Variants in NAT9 observed in about 807,000 individuals in gnomAD.
NAT9 encodes the protein N-acetyltransferase 9, also known as alpha/beta-tubulin-N-acetyltransferase 9.
In NAT9, 18 loss-of-function variants were observed where a neutral mutation model predicts 24.0. The ratio of observed to expected loss-of-function variants is 0.75; its 90% CI spans 0.52 to 1.11. NAT9 has a LOEUF of 1.11. Among genes scored for constraint, NAT9 ranks in the 50% most tolerant of loss-of-function variants. The pLI is 0.00. For missense variants in NAT9, 254 were observed against 258.6 expected (o/e 0.98, Z 0.12); for synonymous variants, 104 against 102.3 (o/e 1.02, Z -0.10).
chr17:74,772,101 C>T (rs2035287441), intron 5 of NAT9, 47 bp from the exon 6 acceptor site: 1 of 1,613,958 alleles, frequency 6.2e-7, no homozygotes, highest in Non-Finnish European at 8.5e-7. Context: ...CGCCTGCCCC[C>T]ACCCTCCTGT....
chr17:74,772,948 G>A lies in NAT9; in HGVS notation c.282C>T (p.Phe94=), dbSNP rs1598368598. 3.1e-6 allele frequency: 5 copies of A among 1,614,064 alleles called. No individual in the cohort carries two copies. In the African/African-American group the frequency reaches 4.0e-5, roughly 13 times the overall value. ...ESCMVGDVNL[F]LTDLEDLTLG... ...AGGTGAGGTCTTCTAGATCTGTGAG[G>A]AAGAGGTTCACATCTCCCACCATGC... is the stretch of plus-strand genomic sequence containing the variant. Residue 94 remains phenylalanine, a synonymous_variant, in exon 4 of 7, where the codon TTC becomes TTT. Transcript: ENST00000357814.
chr17:74,772,450 C>G (rs2035358201), intron 4 of NAT9, 173 bp from the exon 5 acceptor site: 1 of 1,425,766 alleles, frequency 7.0e-7, no homozygotes, highest in South Asian at 1.5e-5. Flanking sequence ...AGCTTGCAAC[C>G]CAGCAACCTG....
At chr17:74,775,187 GTTTT>G (rs1555604436) in intron 2 of NAT9, among the ~76,000 whole-genome samples, 1 of 145,012 alleles carries the variant, frequency 6.9e-6, no homozygotes, top group African/African-American at 2.6e-5. Context: ...TTGTTTTTTT[GTTTT>G]TTTTGTTTTT....
At position 74,772,599 on chromosome 17, in the gene NAT9, A is replaced by G. The variant is rs972751104; in HGVS notation, c.334+297T>C. On this transcript the variant is annotated intron_variant, in intron 4 of 6. Transcript: ENST00000357814. The stretch of plus-strand genomic sequence containing the variant: ...CTCCTGTAATATGACAACATGCTCC[A>G]GAGACCTTTTTCTGAGGGTCCCCAG... 9 of 1,398,994 alleles carry G rather than the reference A, an allele frequency of 6.4e-6. No individual in the cohort carries two copies. The African/African-American group carries it at 1.2e-4, about 18-fold the overall frequency. The allele number at this position is 1,398,994 out of a possible 1,614,324, so 86.7% of individuals were successfully genotyped here. A position where few individuals can be genotyped will look rare whatever the true frequency, so the allele number is the denominator to read the frequency against.
chr17:74,772,725 A>G, intron 4 of NAT9, 171 bp downstream of exon 4: 2 of 1,166,544 alleles, frequency 1.7e-6, no homozygotes, highest in South Asian at 1.6e-5. Context: ...CTGAGGGTGT[A>G]CCACCAGGCT....
intron 5 of NAT9, 58 bp downstream of exon 5, chr17:74,772,160 G>A: frequency 6.2e-7 from 1 of 1,613,988 alleles, no homozygotes; most frequent in South Asian, 1.1e-5. Flanking sequence ...CCTCACACCT[G>A]AACAAAGTTC....
In NAT9 at chr17:74,771,467, C is replaced by T; in HGVS notation, c.*257G>A. On this transcript the variant is annotated 3_prime_UTR_variant, in exon 7 of 7. Transcript: ENST00000357814. ...CCGACATCTCCCATGGATCCCTGCCCTCCATTCCAGCTTCCTAGAGTCTGG... is the reference window on the plus strand; with the variant it reads ...CCGACATCTCCCATGGATCCCTGCCTTCCATTCCAGCTTCCTAGAGTCTGG... 1 of 572,402 alleles carries T rather than the reference C, an allele frequency of 1.7e-6. No individual in the cohort carries two copies. 35.5% of individuals were successfully genotyped at this position (572,402 alleles called of 1,614,324 possible). A position where few individuals can be genotyped will look rare whatever the true frequency, so the allele number is the denominator to read the frequency against.
At chr17:74,773,753 G>C in intron 2 of NAT9, 65 bp from the exon 3 acceptor site, 2 of 1,259,162 alleles carry the variant, frequency 1.6e-6, no homozygotes, top group South Asian at 1.3e-5. Context: ...GACACCTTAT[G>C]AGGGTCCAGA....
chr17:74,771,999 T>G lies in NAT9; in HGVS notation c.450A>C (p.Glu150Asp). 6.2e-7 allele frequency: 1 copy of G among 1,614,204 alleles called. No individual in the cohort carries two copies. Among genetic ancestry groups the G allele is most frequent in the Non-Finnish European group, 8.5e-7 (1 of 1,180,024 alleles). ...GTTTCTGGAACATCCGGATGCTTGG[T>G]TCATTTCCTTGCCCAATTTTAGCCT... Reference protein sequence around the residue: ...KFEAKIGQGNEPSIRMFQKLH... With the variant: ...KFEAKIGQGNDPSIRMFQKLH... Residue 150 changes from glutamate to aspartate, a missense_variant, in exon 6 of 7, where the codon GAA (glutamate) becomes GAC (aspartate). Glu to Asp is a conservative substitution (Grantham distance 45, BLOSUM62 2). Coordinates refer to ENST00000357814, the MANE Select transcript of NAT9 (RefSeq NM_015654.5).
At chr17:74,772,665 C>G (rs2035386848) in intron 4 of NAT9, 2 of 1,204,882 alleles carry the variant, frequency 1.7e-6, no homozygotes, top group East Asian at 2.6e-5. Context: ...GAATCTACCC[C>G]AAACCAAGGG....
At chr17:74,772,075 G>A (rs954059811) in intron 5 of NAT9, 21 bp from the exon 6 acceptor site, 3 of 1,602,922 alleles carry the variant, frequency 1.9e-6, no homozygotes, top group African/African-American at 1.3e-5. Flanking sequence ...AGATGAGACA[G>A]GGGCAAGTAA....
chr17:74,772,326 T>G lies in NAT9; in HGVS notation c.335-49A>C, dbSNP rs368458713. The G allele has an allele frequency of 2.4e-5, 39 of 1,604,420 alleles. No individual in the cohort carries two copies. The African/African-American group carries it at 4.9e-4, about 20-fold the overall frequency. On this transcript the variant is annotated intron_variant, in intron 4 of 6. Coordinates refer to ENST00000357814, the MANE Select transcript of NAT9 (RefSeq NM_015654.5). ...GCTGACGCCGTGTGCCAGGCTCCAG[T>G]GCGGGCACTTGGCAGACACCATCTC...
intron 4 of NAT9, 32 bp from the exon 5 acceptor site, chr17:74,772,309 C>G: frequency 6.2e-7 from 1 of 1,611,752 alleles, no homozygotes; most frequent in South Asian, 1.1e-5. Flanking sequence ...GCGCTGACGC[C>G]GTGTGCCAGG....
At chr17:74,773,840 A>C in intron 2 of NAT9, 152 bp from the exon 3 acceptor site, 1 of 612,178 alleles carries the variant, frequency 1.6e-6, no homozygotes. Flanking sequence ...CCACAGACAC[A>C]AGACCCAGAA....
At chr17:74,775,838 A>G in intron 1 of NAT9, 131 bp from the exon 2 acceptor site, 1 of 598,702 alleles carries the variant, frequency 1.7e-6, no homozygotes, top group South Asian at 2.3e-5. Flanking sequence ...TTCAAAGAAT[A>G]CAGACTCCAA....
intron 2 of NAT9, 132 bp from the exon 3 acceptor site, chr17:74,773,820 A>G (rs187124780): frequency 4.2e-6 from 3 of 706,510 alleles, no homozygotes; most frequent in Admixed American, 2.3e-5. Flanking sequence ...GATTGCTCCT[A>G]AGGCAGGGGC....
chr17:74,772,593 T>C (rs763445506), intron 4 of NAT9: 2 of 1,400,008 alleles, frequency 1.4e-6, no homozygotes, highest in Non-Finnish European at 1.9e-6. Flanking sequence ...TATGACAACA[T>C]GCTCCAGAGA....
In NAT9 at chr17:74,771,542, TCTG is replaced by T; in HGVS notation, c.*179_*181del. 1 of 961,830 alleles carries T rather than the reference TCTG, an allele frequency of 1.0e-6. No individual in the cohort carries two copies. Among genetic ancestry groups the T allele is most frequent in the Non-Finnish European group, 1.5e-6 (1 of 666,206 alleles). 59.6% of individuals were successfully genotyped at this position (961,830 alleles called of 1,614,324 possible). The stretch of plus-strand genomic sequence containing the variant: ...AAGGGAACTGGCCCTGGCCCTGGAG[TCTG>T]CTCAGCCACACCACTAGCTGGAGGG... On this transcript the variant is annotated 3_prime_UTR_variant, in exon 7 of 7. Coordinates refer to ENST00000357814, the MANE Select transcript of NAT9 (RefSeq NM_015654.5).
chr17:74,775,768 G>T, intron 1 of NAT9, 61 bp from the exon 2 acceptor site: 3 of 1,445,100 alleles, frequency 2.1e-6, no homozygotes, highest in Non-Finnish European at 2.9e-6. Flanking sequence ...ACTTTGGGTA[G>T]GCGCTCCAGC....
Sources: allele counts gnomAD v4.1 joint callset (sites outside exome capture counted in the v4.1 genomes callset), GRCh38; gene constraint gnomAD v4.1.1; transcripts MANE v1.5; gene names NCBI Gene and HGNC (gene_info 2026-07-23, HGNC 2026-07-21).